The following MDGA2 variants were observed in gnomAD, a reference collection of about 807,000 sequenced individuals.
MDGA2 encodes the protein MAM domain containing glycosylphosphatidylinositol anchor 2.
Under a neutral mutation model 117.8 loss-of-function variants are expected in MDGA2, and 40 were observed. The ratio of observed to expected loss-of-function variants is 0.34; its 90% CI spans 0.26 to 0.44. The LOEUF is 0.44. Among genes scored for constraint, MDGA2 ranks in the 20% least tolerant of loss-of-function variants. The probability of loss-of-function intolerance (pLI) is 1.00; values close to 1 mark genes in which losing one functional copy is unlikely to be tolerated. For synonymous variants in MDGA2, 452 were observed against 439.0 expected (o/e 1.03, Z -0.37); for missense variants, 1,123 against 1,250.6 (o/e 0.90, Z 1.54).
chr14:47,558,356 A>G (rs1161177481), intron 1 of MDGA2, among the ~76,000 whole-genome samples: 3 of 152,182 alleles, frequency 2.0e-5, no homozygotes, highest in East Asian at 3.8e-4. Flanking sequence ...GCTAGTTTTG[A>G]TTTTAACCCA....
chr14:47,046,521 A>G (rs1257964818), intron 7 of MDGA2, among the ~76,000 whole-genome samples: 1 of 151,812 alleles, frequency 6.6e-6, no homozygotes, highest in Admixed American at 6.6e-5. Flanking sequence ...TAATGGGTGC[A>G]GCACACCAAC....
intron 1 of MDGA2, among the ~76,000 whole-genome samples, chr14:47,464,108 C>CTATGT (rs1893548437): frequency 7.6e-6 from 1 of 132,096 alleles, no homozygotes; most frequent in Non-Finnish European, 1.6e-5. Context: ...TGTACACACA[C>CTATGT]ACACACACAC....
chr14:47,079,433 T>C (rs2138880251), intron 6 of MDGA2, among the ~76,000 whole-genome samples: 1 of 152,292 alleles, frequency 6.6e-6, no homozygotes, highest in African/African-American at 2.4e-5. Flanking sequence ...TGTTAAGTAT[T>C]CCCTTGTTCT....
chr14:47,145,947 G>A (rs1882926086), intron 3 of MDGA2, among the ~76,000 whole-genome samples: 1 of 151,952 alleles, frequency 6.6e-6, no homozygotes, highest in Admixed American at 6.6e-5. Flanking sequence ...TAGGTAAAAT[G>A]CCACTTGCCC....
chr14:47,150,484 C>T (rs1231418633), intron 3 of MDGA2, among the ~76,000 whole-genome samples: 1 of 152,158 alleles, frequency 6.6e-6, no homozygotes, highest in African/African-American at 2.4e-5. Context: ...CCAGCAGAAC[C>T]TGATTCCATT....
chr14:47,325,993 G>A (rs1890131613), intron 1 of MDGA2, among the ~76,000 whole-genome samples: 1 of 152,206 alleles, frequency 6.6e-6, no homozygotes, highest in South Asian at 2.1e-4. Flanking sequence ...GAGATTCCAT[G>A]CAAAGGGGTT....
At chr14:47,156,055 C>T (rs12589239) in intron 3 of MDGA2, among the ~76,000 whole-genome samples, 28,207 of 150,874 alleles carry the variant, frequency 0.19, 2,890 homozygotes, top group East Asian at 0.33. Context: ...ATTACAGGTG[C>T]GTGCCACTAC....
intron 1 of MDGA2, among the ~76,000 whole-genome samples, chr14:47,444,774 GT>G (rs1332649883): frequency 6.6e-6 from 1 of 152,092 alleles, no homozygotes; most frequent in African/African-American, 2.4e-5. Flanking sequence ...AAGCCTCATA[GT>G]CTTAGCTTGT....
At chr14:47,613,700 A>T (rs185178662) in intron 1 of MDGA2, among the ~76,000 whole-genome samples, 1 of 152,190 alleles carries the variant, frequency 6.6e-6, no homozygotes, top group African/African-American at 2.4e-5. Flanking sequence ...TGAATGATAC[A>T]TATCTGTCCT....
chr14:47,122,710 T>C (rs1419829982), intron 5 of MDGA2, among the ~76,000 whole-genome samples: 1 of 152,108 alleles, frequency 6.6e-6, no homozygotes, highest in Non-Finnish European at 1.5e-5. Context: ...GTAAAATGTA[T>C]TTCTACCAAC....
chr14:47,466,464 G>A (rs1893606185), intron 1 of MDGA2, among the ~76,000 whole-genome samples: 1 of 152,054 alleles, frequency 6.6e-6, no homozygotes, highest in Non-Finnish European at 1.5e-5. Context: ...AGATGAGAGA[G>A]ACAGGGAGAT....
intron 8 of MDGA2, among the ~76,000 whole-genome samples, chr14:47,024,084 T>G (rs1888386444): frequency 6.6e-6 from 1 of 152,120 alleles, no homozygotes; most frequent in Non-Finnish European, 1.5e-5. Context: ...AAGACAGACA[T>G]AGACAGATAG....
At chr14:47,160,186 C>G (rs10134087) in intron 3 of MDGA2, among the ~76,000 whole-genome samples, 1 of 152,064 alleles carries the variant, frequency 6.6e-6, no homozygotes, top group African/African-American at 2.4e-5. Context: ...CTACTTCTGG[C>G]TTACCTACTC....
chr14:47,347,663 T>C (rs769613527), intron 1 of MDGA2, among the ~76,000 whole-genome samples: 5 of 152,090 alleles, frequency 3.3e-5, no homozygotes, highest in Non-Finnish European at 7.4e-5. Context: ...AAACACAGGA[T>C]AGAGATATGG....
At chr14:47,326,035 A>G (rs973552543) in intron 1 of MDGA2, among the ~76,000 whole-genome samples, 1 of 152,150 alleles carries the variant, frequency 6.6e-6, no homozygotes, top group African/African-American at 2.4e-5. Context: ...ACAATATTAG[A>G]CATTAATCTA....
chr14:47,262,681 C>A (rs923869593), intron 2 of MDGA2, among the ~76,000 whole-genome samples: 18 of 152,090 alleles, frequency 1.2e-4, no homozygotes, highest in Admixed American at 1.2e-3. Context: ...AGATGGCAGA[C>A]CTTATTCAAA....
At chr14:47,356,156 G>A (rs558118535) in intron 1 of MDGA2, among the ~76,000 whole-genome samples, 24 of 152,222 alleles carry the variant, frequency 1.6e-4, no homozygotes, top group African/African-American at 5.8e-4. Flanking sequence ...AAGCCCAGGA[G>A]CCCCTAGAGG....
intron 11 of MDGA2, among the ~76,000 whole-genome samples, chr14:46,879,853 A>T (rs1882375126): frequency 6.6e-6 from 1 of 152,182 alleles, no homozygotes; most frequent in South Asian, 2.1e-4. Context: ...AAAAACTGTA[A>T]GTACAAACAA....
At chr14:47,537,402 A>C (rs1283831190) in intron 1 of MDGA2, among the ~76,000 whole-genome samples, 1 of 151,200 alleles carries the variant, frequency 6.6e-6, no homozygotes, top group African/African-American at 2.4e-5. Flanking sequence ...ACATGTATAC[A>C]TATGTAACAA....
Sources: gnomAD v4.1 joint callset for allele counts (sites outside exome capture counted in the v4.1 genomes callset) on GRCh38, gnomAD v4.1.1 for gene constraint, MANE v1.5 for transcripts, NCBI Gene and HGNC (gene_info 2026-07-23, HGNC 2026-07-21) for gene names.